The following CPED1 variants were observed in gnomAD, a reference collection of about 807,000 sequenced individuals.
The protein encoded by CPED1 is cadherin-like and PC-esterase domain-containing protein 1.
A neutral mutation model predicts 128.2 loss-of-function variants in CPED1; 114 were observed. That is an observed-to-expected ratio of 0.89 (90% confidence interval 0.76 to 1.04). The LOEUF (loss-of-function observed/expected upper bound fraction) is 1.04, where lower values mean the gene tolerates loss of function less well. Among genes scored for constraint, CPED1 ranks in the 50% least tolerant of loss-of-function variants. The probability of loss-of-function intolerance (pLI) is 0.00; values close to 1 mark genes in which losing one functional copy is unlikely to be tolerated. For synonymous variants in CPED1, 462 were observed against 426.7 expected, an observed-to-expected ratio of 1.08 and a Z score of -1.02; for missense variants, 1,211 against 1,207.1, an observed-to-expected ratio of 1.00 and a Z score of -0.05.
intron 16 of CPED1, among the ~76,000 whole-genome samples, chr7:121,210,245 T>A (rs2116590959): frequency 6.6e-6 from 1 of 152,082 alleles, no homozygotes; most frequent in African/African-American, 2.4e-5. Flanking sequence ...TAGAGAACAG[T>A]ATGGAGGTTC....
chr7:121,185,770 G>C (rs149893004), intron 16 of CPED1, among the ~76,000 whole-genome samples: 444 of 152,326 alleles, frequency 2.9e-3, no homozygotes, highest in African/African-American at 9.9e-3. Context: ...CTGCAGATAT[G>C]AGTCCAGTGA....
Position 121,137,073 on chromosome 7 carries a change from A to T in CPED1, c.1699+983A>T, listed in dbSNP as rs534956517. On this transcript the variant is annotated intron_variant, in intron 14 of 22. Transcript: ENST00000310396. ...TATAGCTGTATGTATTTGGTGCTAA[A>T]AATCAACTTAGAAAATTTAGTTTTC... Among the ~76,000 whole-genome samples the T allele has an allele frequency of 4.6e-5, 7 of 152,088 alleles. No individual in the cohort carries two copies. The East Asian group carries it at 1.2e-3, about 25-fold the overall frequency.
chr7:121,146,957 T>C (rs1374329984), intron 16 of CPED1, among the ~76,000 whole-genome samples: 1 of 152,108 alleles, frequency 6.6e-6, no homozygotes, highest in East Asian at 1.9e-4. Flanking sequence ...AGTTATTCTC[T>C]TTATTGTTGG....
chr7:121,279,630 G>T (rs1038493173), intron 22 of CPED1, among the ~76,000 whole-genome samples: 4 of 152,124 alleles, frequency 2.6e-5, no homozygotes, highest in Non-Finnish European at 5.9e-5. Context: ...TGCTGAAAAA[G>T]ATAAGGCTGA....
At chr7:121,009,382 C>A (rs1296968249) in intron 2 of CPED1, among the ~76,000 whole-genome samples, 1 of 151,936 alleles carries the variant, frequency 6.6e-6, no homozygotes, top group Non-Finnish European at 1.5e-5. Context: ...GGCAGATGGA[C>A]TGCTTGAGCC....
chr7:121,230,930 T>C (rs1198173432), intron 16 of CPED1, among the ~76,000 whole-genome samples: 3 of 151,982 alleles, frequency 2.0e-5, no homozygotes, highest in Admixed American at 6.6e-5. Context: ...TATATTGAAA[T>C]TGAGGTACAT....
intron 3 of CPED1, among the ~76,000 whole-genome samples, chr7:121,022,105 C>T (rs546497401): frequency 6.6e-6 from 1 of 151,764 alleles, no homozygotes; most frequent in South Asian, 2.1e-4. Context: ...GTCTTTTATG[C>T]TTATCATTTA....
chr7:121,266,187 A>G (rs569688608), intron 18 of CPED1, 40 bp from the exon 19 acceptor site: 2 of 1,474,080 alleles, frequency 1.4e-6, no homozygotes, highest in South Asian at 2.3e-5. Context: ...TACCATGTAA[A>G]CATAAGCTTT....
intron 4 of CPED1, among the ~76,000 whole-genome samples, chr7:121,062,273 C>T (rs368635015): frequency 6.6e-5 from 10 of 152,144 alleles, no homozygotes; most frequent in Non-Finnish European, 2.9e-5. Context: ...TGATTTTGCC[C>T]TATTTAGGGA....
chr7:121,007,231 A>T (rs73221231), intron 2 of CPED1, among the ~76,000 whole-genome samples: 30,063 of 129,704 alleles, frequency 0.23, 3,836 homozygotes, highest in East Asian at 0.39. Flanking sequence ...TTCAGGTTGC[A>T]TTTTTTTTTT....
At position 121,084,992 on chromosome 7, in the gene CPED1, C is replaced by T. The variant is rs528295696; in HGVS notation, c.617-12707C>T. On this transcript the variant is annotated intron_variant, in intron 5 of 22. Coordinates refer to ENST00000310396, the MANE Select transcript of CPED1 (RefSeq NM_024913.5). Reference sequence around the variant, plus strand: ...TCAGTAGCATTGCTCATCGTAGTGACGGCCCCAAATGCTCCCTTTGTCTCA... The same window carrying T: ...TCAGTAGCATTGCTCATCGTAGTGATGGCCCCAAATGCTCCCTTTGTCTCA... Among the ~76,000 whole-genome samples the T allele has an allele frequency of 4.6e-5, 7 of 152,298 alleles. No homozygotes were observed. The South Asian group carries it at 6.2e-4, about 14-fold the overall frequency.
chr7:121,210,957 T>C (rs925717243), intron 16 of CPED1, among the ~76,000 whole-genome samples: 1 of 151,808 alleles, frequency 6.6e-6, no homozygotes, highest in Admixed American at 6.6e-5. Context: ...TATATACCCA[T>C]AAAAATAAAA....
intron 5 of CPED1, among the ~76,000 whole-genome samples, chr7:121,096,192 A>G (rs1411354325): frequency 6.6e-6 from 1 of 152,164 alleles, no homozygotes; most frequent in East Asian, 1.9e-4. Flanking sequence ...ACTTCATTAA[A>G]AGGGAAAACT....
At chr7:121,264,372 A>G (rs958496284) in intron 18 of CPED1, among the ~76,000 whole-genome samples, 3 of 152,110 alleles carry the variant, frequency 2.0e-5, no homozygotes, top group African/African-American at 4.8e-5. Context: ...TCAAACATAA[A>G]TAGTGAAAGG....
chr7:121,243,227 A>T (rs1534014), intron 17 of CPED1, among the ~76,000 whole-genome samples: 1 of 151,914 alleles, frequency 6.6e-6, no homozygotes, highest in Non-Finnish European at 1.5e-5. Context: ...TTATCAGAGA[A>T]ATAATTGCAT....
intron 16 of CPED1, among the ~76,000 whole-genome samples, chr7:121,145,751 T>C (rs890213206): frequency 4.7e-5 from 7 of 149,594 alleles, no homozygotes; most frequent in Admixed American, 4.0e-4. Context: ...TATACATCAA[T>C]GAGATTTACA....
chr7:121,046,920 T>G lies in CPED1; in HGVS notation c.467T>G (p.Leu156Arg). 6.2e-7 allele frequency: 1 copy of G among 1,612,474 alleles called. No homozygotes were observed. Residue 156 changes from leucine to arginine, a missense_variant, in exon 4 of 23, where the codon CTG (leucine) becomes CGG (arginine). By Grantham distance (102) the Leu-to-Arg change is moderately radical. Coordinates refer to ENST00000310396, the MANE Select transcript of CPED1 (RefSeq NM_024913.5). ...GGCTCTTGGGATCTGCTCATTTGCC[T>G]GTCTTCTAAGAAAGCAGAAGGAACA... ...DLGSWDLLIC[L>R]SSKKAEGTPC...
At chr7:121,211,124 A>G (rs1352187341) in intron 16 of CPED1, among the ~76,000 whole-genome samples, 2 of 152,094 alleles carry the variant, frequency 1.3e-5, no homozygotes, top group African/African-American at 2.4e-5. Flanking sequence ...ATTTCCATAA[A>G]CTTTTTAGAG....
chr7:121,226,607 T>C (rs1340168770), intron 16 of CPED1, among the ~76,000 whole-genome samples: 1 of 152,120 alleles, frequency 6.6e-6, no homozygotes, highest in African/African-American at 2.4e-5. Context: ...TAGGATGAAG[T>C]CTTAGCAGTA....
Sources: gnomAD v4.1 joint callset for allele counts (sites outside exome capture counted in the v4.1 genomes callset) on GRCh38, gnomAD v4.1.1 for gene constraint, MANE v1.5 for transcripts, NCBI Gene and HGNC (gene_info 2026-07-23, HGNC 2026-07-21) for gene names.